The following CXADR variants were observed in gnomAD, a reference collection of about 807,000 sequenced individuals.
CXADR encodes the protein coxsackievirus and adenovirus receptor.
A neutral mutation model predicts 40.3 loss-of-function variants in CXADR; 20 were observed. The ratio of observed to expected loss-of-function variants is 0.50; its 90% CI spans 0.35 to 0.72. The LOEUF is 0.72. Ranked by LOEUF, CXADR falls within the 30% of genes least tolerant of loss-of-function variation. The probability of loss-of-function intolerance (pLI) is 0.01; values close to 1 mark genes in which losing one functional copy is unlikely to be tolerated. For synonymous variants in CXADR, 150 were observed against 161.3 expected (o/e 0.93, Z 0.53); for missense variants, 332 against 449.1 (o/e 0.74, Z 2.36).
At chr21:17,544,072 G>A (rs2060863086) in intron 1 of CXADR, among the ~76,000 whole-genome samples, 1 of 152,056 alleles carries the variant, frequency 6.6e-6, no homozygotes, top group Non-Finnish European at 1.5e-5. Context: ...AAAATTTATA[G>A]AGGAAAAAAA....
chr21:17,593,120 T>TATA (rs2061455886), intron 7 of CXADR: 1 of 1,389,244 alleles, frequency 7.2e-7, no homozygotes, highest in Admixed American at 3.0e-5. Context: ...ATCAAAACTC[T>TATA]TATAGAGATA....
downstream of CXADR, chr21:17,593,917 T>A (rs367675835): frequency 4.9e-6 from 4 of 818,364 alleles, no homozygotes; most frequent in East Asian, 2.9e-5. Context: ...TATATCAATA[T>A]CTAAAGTGCA....
At chr21:17,522,352 T>G (rs2060542075) in intron 1 of CXADR, among the ~76,000 whole-genome samples, 1 of 152,076 alleles carries the variant, frequency 6.6e-6, no homozygotes, top group Admixed American at 6.5e-5. Context: ...TTCTCCATGT[T>G]AGTCAGGCTG....
the CXADR span, among the ~76,000 whole-genome samples, chr21:17,599,475 A>ATTT: frequency 1.4e-3 from 163 of 117,226 alleles, 5 homozygotes; most frequent in African/African-American, 4.7e-3. Context: ...CCACTGGCTG[A>ATTT]TTTTTTTTTT....
chr21:17,545,171 G>C (rs1159082214), intron 1 of CXADR, among the ~76,000 whole-genome samples: 1 of 148,608 alleles, frequency 6.7e-6, no homozygotes, highest in African/African-American at 2.5e-5. Context: ...AGTGCTTAGG[G>C]CCTCCTCCAG....
intron 1 of CXADR, among the ~76,000 whole-genome samples, chr21:17,515,985 C>T (rs2060457421): frequency 2.0e-5 from 3 of 152,120 alleles, no homozygotes; most frequent in Non-Finnish European, 2.9e-5. Flanking sequence ...GGACTCCTTT[C>T]GATGCATTTT....
chr21:17,602,984 A>G, the CXADR span, among the ~76,000 whole-genome samples: 120 of 152,244 alleles, frequency 7.9e-4, 1 homozygote, highest in East Asian at 0.02. Context: ...CTGATTTTTT[A>G]GCTTTTTCAT....
rs569643451 is a variant in CXADR, at chr21:17,545,620, TG to T, written c.44-1403del. 4.8e-3 allele frequency among the ~76,000 whole-genome samples: 731 copies of T among 152,012 alleles called. 10 individuals are homozygous for T. The highest frequency in any genetic ancestry group is 0.017 in the African/African-American group (703 of 41,462). ...CTAACTTTTGTATTTTTGGTAAAGATGGGGTTTCACCATGTTGGTGAAATTA... is the reference window on the plus strand; with the variant it reads ...CTAACTTTTGTATTTTTGGTAAAGATGGGTTTCACCATGTTGGTGAAATTA... On this transcript the variant is annotated intron_variant, in intron 1 of 6. Transcript: ENST00000284878.
At chr21:17,570,972 C>G (rs1430481070), downstream of CXADR, among the ~76,000 whole-genome samples, 1 of 152,116 alleles carries the variant, frequency 6.6e-6, no homozygotes, top group South Asian at 2.1e-4. Context: ...TTGGCAGCAC[C>G]CCTGGCTTCC....
intron 1 of CXADR, among the ~76,000 whole-genome samples, chr21:17,520,363 C>T (rs972005520): frequency 5.3e-5 from 8 of 152,172 alleles, no homozygotes; most frequent in African/African-American, 2.4e-5. Context: ...ACCAGTGCTT[C>T]TCAAACTTTG....
the CXADR span, among the ~76,000 whole-genome samples, chr21:17,609,688 A>G: frequency 2.0e-5 from 3 of 152,260 alleles, no homozygotes; most frequent in Admixed American, 6.5e-5. Context: ...AAATGAAAAC[A>G]TATGTCCACA....
intron 3 of CXADR, among the ~76,000 whole-genome samples, chr21:17,557,825 T>C (rs2061055566): frequency 1.3e-5 from 2 of 152,234 alleles, no homozygotes; most frequent in Non-Finnish European, 2.9e-5. Context: ...CCATCTATTG[T>C]AACCAGCATG....
rs368618287 is a variant in CXADR at position 17,565,722 on chromosome 21, G to A, written c.*30G>A. On this transcript the variant is annotated 3_prime_UTR_variant, in exon 7 of 7. Transcript: ENST00000284878. The stretch of plus-strand genomic sequence containing the variant: ...TCCATATGTCTCATCTGTGCTCTCC[G>A]TGTTCCTTTCCTTTTTTTGATATAT... 86 of 1,585,936 alleles carry A rather than the reference G, an allele frequency of 5.4e-5. No homozygotes were observed. The highest frequency in any genetic ancestry group is 6.8e-5 in the Non-Finnish European group (79 of 1,165,858).
At chr21:17,535,681 C>G (rs557878472) in intron 1 of CXADR, among the ~76,000 whole-genome samples, 1 of 152,200 alleles carries the variant, frequency 6.6e-6, no homozygotes, top group East Asian at 1.9e-4. Context: ...AGCAACCGAA[C>G]AAGCATGTAA....
At chr21:17,579,291 T>C (rs1178977160) in intron 7 of CXADR, among the ~76,000 whole-genome samples, 1 of 141,994 alleles carries the variant, frequency 7.0e-6, no homozygotes, top group Admixed American at 7.2e-5. Flanking sequence ...TTCTCTTTTC[T>C]TTTTTTTTTT....
intron 7 of CXADR, among the ~76,000 whole-genome samples, chr21:17,589,903 A>G (rs1601067621): frequency 6.6e-6 from 1 of 152,130 alleles, no homozygotes; most frequent in East Asian, 1.9e-4. Flanking sequence ...ACCCTCACCA[A>G]TATTGGGCAT....
At chr21:17,518,851 T>C in intron 1 of CXADR, 1 of 1,561,450 alleles carries the variant, frequency 6.4e-7, no homozygotes, top group East Asian at 2.2e-5. Context: ...AACTATATTA[T>C]TCACAGCCAG....
intron 1 of CXADR, among the ~76,000 whole-genome samples, chr21:17,542,530 G>A (rs2060842887): frequency 6.6e-6 from 1 of 152,142 alleles, no homozygotes; most frequent in Non-Finnish European, 1.5e-5. Context: ...AAAGATCCAA[G>A]TGATTTAGAA....
Position 17,569,986 on chromosome 21 carries a change from T to C in CXADR, c.*4294T>C, listed in dbSNP as rs1277897244. Reference sequence around the variant, plus strand: ...AGATTTTGTATGTACGATTTCTGGCTTATATATCCAATGGTGCAGATTTTG... The same window carrying C: ...AGATTTTGTATGTACGATTTCTGGCCTATATATCCAATGGTGCAGATTTTG... On this transcript the variant is annotated 3_prime_UTR_variant, in exon 7 of 7. Transcript: ENST00000284878. 2.0e-6 allele frequency: 2 copies of C among 985,424 alleles called. No individual in the cohort carries two copies. Among genetic ancestry groups the C allele is most frequent in the Non-Finnish European group, 1.2e-6 (1 of 829,908 alleles). 61.0% of individuals were successfully genotyped at this position (985,424 alleles called of 1,614,324 possible).
Sources: gnomAD v4.1 joint callset for allele counts (sites outside exome capture counted in the v4.1 genomes callset) on GRCh38, gnomAD v4.1.1 for gene constraint, MANE v1.5 for transcripts, NCBI Gene and HGNC (gene_info 2026-07-23, HGNC 2026-07-21) for gene names.